COL6A3: variants seen among roughly 807,000 people sequenced by gnomAD.
The protein encoded by COL6A3 is collagen type VI alpha 3 chain.
COL6A3 carries 137 observed loss-of-function variants against 274.1 expected under a neutral mutation model. The ratio of observed to expected loss-of-function variants is 0.50; its 90% CI spans 0.44 to 0.58. The LOEUF is 0.58. Among genes scored for constraint, COL6A3 ranks in the 20% least tolerant of loss-of-function variants. The probability of loss-of-function intolerance (pLI) is 0.00; values close to 1 mark genes in which losing one functional copy is unlikely to be tolerated. For synonymous variants in COL6A3, 1,650 were observed against 1,650.6 expected (o/e 1.00, Z 0.01); for missense variants, 3,950 against 4,124.9 (o/e 0.96, Z 1.16).
intron 4 of COL6A3, among the ~76,000 whole-genome samples, chr2:237,384,761 C>T (rs2078102229): frequency 6.6e-6 from 1 of 152,094 alleles, no homozygotes; most frequent in South Asian, 2.1e-4. Flanking sequence ...AGAGGAGAGC[C>T]CCTGCCCCCA....
chr2:237,367,810 G>A (rs545058988), intron 10 of COL6A3, among the ~76,000 whole-genome samples: 11 of 152,328 alleles, frequency 7.2e-5, no homozygotes, highest in Non-Finnish European at 1.5e-4. Context: ...AGCTTTGTAG[G>A]AGCTGGCTGA....
intron 21 of COL6A3, among the ~76,000 whole-genome samples, 160 bp downstream of exon 21, chr2:237,358,361 A>G (rs2077363106): frequency 6.6e-6 from 1 of 152,196 alleles, no homozygotes. Context: ...GAACCAACAC[A>G]TCTCCCCAAA....
At position 237,407,374 on chromosome 2, in the gene COL6A3, T is replaced by C. The variant is rs1490862902; in HGVS notation, c.-31+6579A>G. On this transcript the variant is annotated intron_variant, in intron 1 of 43. Coordinates refer to ENST00000295550, the MANE Select transcript of COL6A3 (RefSeq NM_004369.4). This position sits in a 1 kb window ranked among gnomAD's most constrained non-coding sequence, Gnocchi z 4.3. ...GTCCTTTGTCACTTACGGGGGTCCTTGTTAGATATGGAGTAGCGGATTCGA... is the reference window on the plus strand; with the variant it reads ...GTCCTTTGTCACTTACGGGGGTCCTCGTTAGATATGGAGTAGCGGATTCGA... Among the ~76,000 whole-genome samples, 3 of 152,236 alleles carry C rather than the reference T, an allele frequency of 2.0e-5. No homozygotes were observed. Among genetic ancestry groups the C allele is most frequent in the African/African-American group, 7.2e-5 (3 of 41,462 alleles).
Position 237,361,898 on chromosome 2 carries a change from G to T in COL6A3, c.6064-67C>A. ...ATGCCCAGCAGAAAATCATAAATGC[G>T]CTTTAAGGGTCAAAATCGGATGTGT... On this transcript the variant is annotated intron_variant, in intron 14 of 43. Coordinates refer to ENST00000295550, the MANE Select transcript of COL6A3 (RefSeq NM_004369.4). This position sits in a 1 kb window ranked among gnomAD's most constrained non-coding sequence, Gnocchi z 5.1. 1 of 1,401,864 alleles carries T rather than the reference G, an allele frequency of 7.1e-7. No homozygotes were observed. Among genetic ancestry groups the T allele is most frequent in the Non-Finnish European group, 1.0e-6 (1 of 986,446 alleles). The allele number at this position is 1,401,864 out of a possible 1,614,324, so 86.8% of individuals were successfully genotyped here.
chr2:237,331,670 A>G (rs2106307148), intron 42 of COL6A3, among the ~76,000 whole-genome samples: 1 of 152,048 alleles, frequency 6.6e-6, no homozygotes. Flanking sequence ...GTTACTATGA[A>G]GTCATTAAGT....
At position 237,361,973 on chromosome 2, in the gene COL6A3, C is replaced by T. The variant is rs1045242065; in HGVS notation, c.6064-142G>A. 23 of 794,926 alleles carry T rather than the reference C, an allele frequency of 2.9e-5. No homozygotes were observed. The highest frequency in any genetic ancestry group is 5.8e-5 in the South Asian group (4 of 69,088). 49.2% of individuals were successfully genotyped at this position (794,926 alleles called of 1,614,324 possible). A position where few individuals can be genotyped will look rare whatever the true frequency, so the allele number is the denominator to read the frequency against. On this transcript the variant is annotated intron_variant, in intron 14 of 43. Coordinates refer to ENST00000295550, the MANE Select transcript of COL6A3 (RefSeq NM_004369.4). This position sits in a 1 kb window ranked among gnomAD's most constrained non-coding sequence, Gnocchi z 5.1. The stretch of plus-strand genomic sequence containing the variant: ...GTCCCTCCAGGTGACATTTGCTGGA[C>T]GACTGACGATATGATAGAAATTGCC...
At chr2:237,384,130 G>A (rs769026166) in intron 4 of COL6A3, among the ~76,000 whole-genome samples, 5 of 152,084 alleles carry the variant, frequency 3.3e-5, no homozygotes, top group Non-Finnish European at 7.4e-5. Flanking sequence ...TGACTCTGAC[G>A]CAATTCACCT....
At chr2:237,367,424 T>C in intron 10 of COL6A3, 138 bp from the exon 11 acceptor site, 1 of 1,052,190 alleles carries the variant, frequency 9.5e-7, no homozygotes, top group Non-Finnish European at 1.3e-6. Context: ...CTCAAATCCA[T>C]GCCTCTTTAG....
rs565545974 is a variant in COL6A3 at position 237,347,357 on chromosome 2, G to C, written c.7029+450C>G. ...AGGGCTAAAAGTAGCTTAAGGAAGA[G>C]GAATCTCAGCACCAGTAGTCTGAGG... On this transcript the variant is annotated intron_variant, in intron 31 of 43. Coordinates refer to ENST00000295550, the MANE Select transcript of COL6A3 (RefSeq NM_004369.4). Among the ~76,000 whole-genome samples, 9 of 152,328 alleles carry C rather than the reference G, an allele frequency of 5.9e-5. No homozygotes were observed. The South Asian group carries it at 1.9e-3, about 32-fold the overall frequency.
At chr2:237,351,982 G>A (rs931889171) in intron 26 of COL6A3, among the ~76,000 whole-genome samples, 4 of 152,154 alleles carry the variant, frequency 2.6e-5, no homozygotes, top group Non-Finnish European at 4.4e-5. Flanking sequence ...AGGGAAACCC[G>A]AATACGTAAT....
Position 237,413,362 on chromosome 2 carries a change from G to A in COL6A3, c.-31+591C>T, listed in dbSNP as rs765609879. The stretch of plus-strand genomic sequence containing the variant: ...GTTCCTGGAAAGACGAAAGCTTGAC[G>A]GCAATGACTGAGCGACCCTTTACTT... On this transcript the variant is annotated intron_variant, in intron 1 of 43. Coordinates refer to ENST00000295550, the MANE Select transcript of COL6A3 (RefSeq NM_004369.4). This position sits in a 1 kb window ranked among gnomAD's most constrained non-coding sequence, Gnocchi z 4.0. Among the ~76,000 whole-genome samples, 1 of 152,210 alleles carries A rather than the reference G, an allele frequency of 6.6e-6. No individual in the cohort carries two copies. Among genetic ancestry groups the A allele is most frequent in the African/African-American group, 2.4e-5 (1 of 41,456 alleles).
chr2:237,351,029 A>G (rs899800574), intron 27 of COL6A3, 101 bp downstream of exon 27: 2 of 1,108,868 alleles, frequency 1.8e-6, no homozygotes, highest in African/African-American at 3.1e-5. Flanking sequence ...AACCAGTAGT[A>G]CTGAAGAGGA....
chr2:237,399,468 C>T (rs2078535715), intron 1 of COL6A3, among the ~76,000 whole-genome samples: 2 of 152,196 alleles, frequency 1.3e-5, no homozygotes, highest in African/African-American at 4.8e-5. Context: ...TCTCCAGCAA[C>T]GTTTCATTCA....
In COL6A3 at chr2:237,340,746, C is replaced by T; in HGVS notation, c.8170G>A (p.Glu2724Lys). 6.2e-7 allele frequency: 1 copy of T among 1,614,160 alleles called. No individual in the cohort carries two copies. Residue 2724 changes from glutamate to lysine, a missense_variant, in exon 38 of 44, where the codon GAG becomes AAG. Physicochemically the swap from Glu to Lys is moderately conservative, Grantham distance 56 (BLOSUM62 1). Coordinates refer to ENST00000295550, the MANE Select transcript of COL6A3 (RefSeq NM_004369.4). ...TTTGGGGCACTTTCAAAGACATTCT[C>T]TATGGTGTATTCAATGGCACTGCCT... Reference protein sequence around the residue: ...ALGSAIEYTIENVFESAPNPR... With the variant: ...ALGSAIEYTIKNVFESAPNPR...
At chr2:237,370,472 C>T (rs954069608) in intron 9 of COL6A3, among the ~76,000 whole-genome samples, 1 of 151,874 alleles carries the variant, frequency 6.6e-6, no homozygotes, top group Non-Finnish European at 1.5e-5. Context: ...CTCCTGGCCT[C>T]ATGATCAGCC....
intron 4 of COL6A3, among the ~76,000 whole-genome samples, chr2:237,383,110 T>A (rs2078051828): frequency 1.3e-5 from 2 of 152,188 alleles, no homozygotes; most frequent in South Asian, 4.1e-4. Context: ...AGAACACATT[T>A]TTGAAATGCA....
In COL6A3 at chr2:237,376,800, T is replaced by G; in HGVS notation, c.3042A>C (p.Lys1014Asn). Residue 1014 changes from lysine to asparagine, a missense_variant, in exon 7 of 44, where the codon AAA (lysine) becomes AAC (asparagine). Around this residue, in one of 5 missense-constraint regions of COL6A3, gnomAD observed 1,934 missense variants for 1,984.3 expected, o/e 0.97. Coordinates refer to ENST00000295550, the MANE Select transcript of COL6A3 (RefSeq NM_004369.4). ...DLHPQIVNLL[K>N]SVHNGAPAPV... ...GTGCTGGTGCTCCGTTGTGCACTGA[T>G]TTTAAGAGATTCACTATCTGTGGAT... 6.2e-7 allele frequency: 1 copy of G among 1,614,212 alleles called. No individual in the cohort carries two copies. Among genetic ancestry groups the G allele is most frequent in the Non-Finnish European group, 8.5e-7 (1 of 1,180,030 alleles).
At chr2:237,339,981 G>C (rs561726785) in intron 38 of COL6A3, among the ~76,000 whole-genome samples, 1 of 149,958 alleles carries the variant, frequency 6.7e-6, no homozygotes, top group Non-Finnish European at 1.5e-5. Context: ...ATTCCAGGGA[G>C]GGGGAGCCCC....
chr2:237,360,059 C>T (rs763247909), intron 17 of COL6A3, 29 bp downstream of exon 17: 12 of 1,612,874 alleles, frequency 7.4e-6, no homozygotes, highest in South Asian at 3.3e-5. Flanking sequence ...CCCCTCCCCA[C>T]GCTAGCAACC....
Sources: allele counts gnomAD v4.1 joint callset (sites outside exome capture counted in the v4.1 genomes callset), GRCh38; gene constraint gnomAD v4.1.1; regional missense constraint gnomAD v4.1.1; non-coding constraint Gnocchi (gnomAD v3.1); transcripts MANE v1.5; gene names NCBI Gene and HGNC (gene_info 2026-07-23, HGNC 2026-07-21).